UHRF1: variants seen among roughly 807,000 people sequenced by gnomAD.
UHRF1 encodes the protein ubiquitin like with PHD and ring finger domains 1.
UHRF1 carries 9 observed loss-of-function variants against 96.5 expected under a neutral mutation model. The ratio of observed to expected loss-of-function variants is 0.09; its 90% CI spans 0.06 to 0.16. UHRF1 has a LOEUF of 0.16. Among genes scored for constraint, UHRF1 ranks in the 10% least tolerant of loss-of-function variants. The pLI, the probability that UHRF1 is intolerant of heterozygous loss-of-function variation, is 1.00. For synonymous variants in UHRF1, 455 were observed against 469.9 expected, an observed-to-expected ratio of 0.97 and a Z score of 0.41; for missense variants, 626 against 1,131.1, an observed-to-expected ratio of 0.55 and a Z score of 6.40.
intron 2 of UHRF1, among the ~76,000 whole-genome samples, chr19:4,917,652 CAAAAAAAAAAAAAAAA>C (rs754990585): frequency 2.9e-5 from 1 of 34,350 alleles, no homozygotes; most frequent in African/African-American, 8.9e-5. Flanking sequence ...GACTCCGTCT[CAAAAAAAAAAAAAAAA>C]AAAAAAAAAG....
At chr19:4,950,800 G>A in intron 12 of UHRF1, 27 bp downstream of exon 12, 1 of 1,613,874 alleles carries the variant, frequency 6.2e-7, no homozygotes, top group Non-Finnish European at 8.5e-7. Flanking sequence ...GAGGCCGGGG[G>A]CTCTGTCCCC....
At chr19:4,943,538 G>A (rs111460005) in intron 7 of UHRF1, among the ~76,000 whole-genome samples, 124 of 143,280 alleles carry the variant, frequency 8.7e-4, no homozygotes, top group Non-Finnish European at 1.1e-3. Flanking sequence ...CTGAGTCCAC[G>A]GCAGTGAGAA....
At position 4,909,759 on chromosome 19, in the gene UHRF1, C is replaced by A. The variant is rs2146273195; in HGVS notation, c.-11+104C>A. 2.5e-5 allele frequency: 12 copies of A among 480,034 alleles called. No individual in the cohort carries two copies. The East Asian group carries it at 4.3e-4, about 17-fold the overall frequency. The allele number at this position is 480,034 out of a possible 1,614,324, so 29.7% of individuals were successfully genotyped here. ...CGGCCAGCCCGGGCGCACGCATGTC[C>A]CGCACTCTGTCCCGGGATCCAGGGC... is the stretch of plus-strand genomic sequence containing the variant. On this transcript the variant is annotated intron_variant, in intron 1 of 16. Coordinates refer to ENST00000650932, the MANE Select transcript of UHRF1 (RefSeq NM_001048201.3).
chr19:4,922,548 G>A (rs113583309), intron 2 of UHRF1, among the ~76,000 whole-genome samples: 3,998 of 152,294 alleles, frequency 0.026, 72 homozygotes, highest in Middle Eastern at 0.071. Flanking sequence ...GATTACAGGC[G>A]TGCACCACCG....
chr19:4,927,040 G>A (rs1422964774), intron 2 of UHRF1, among the ~76,000 whole-genome samples: 1 of 151,850 alleles, frequency 6.6e-6, no homozygotes, highest in African/African-American at 2.4e-5. Context: ...CAGCCTGGGC[G>A]ACAGAGCAAG....
chr19:4,923,538 C>T (rs1451452755), intron 2 of UHRF1, among the ~76,000 whole-genome samples: 2 of 152,194 alleles, frequency 1.3e-5, no homozygotes, highest in African/African-American at 4.8e-5. Flanking sequence ...CCTGTGTGCC[C>T]CTCTCCCGCT....
At position 4,929,957 on chromosome 19, in the gene UHRF1, C is replaced by T. The variant is rs8113567; in HGVS notation, c.408+481C>T. ...CTGATGTTATAGGCATGTGCCACCA[C>T]GCCCAGCTAATTTTATTTTATTTTA... On this transcript the variant is annotated intron_variant, in intron 3 of 16. Transcript: ENST00000650932. 4.9e-3 allele frequency among the ~76,000 whole-genome samples: 749 copies of T among 152,166 alleles called. 8 individuals carry two copies. Among genetic ancestry groups the T allele is most frequent in the African/African-American group, 0.016 (652 of 41,542 alleles).
chr19:4,932,573 C>T, intron 4 of UHRF1, 168 bp from the exon 5 acceptor site: 3 of 689,412 alleles, frequency 4.4e-6, no homozygotes, highest in Non-Finnish European at 7.3e-6. Context: ...AATTTTGTAC[C>T]TGGAATGTGC....
intron 2 of UHRF1, among the ~76,000 whole-genome samples, chr19:4,916,245 G>T (rs1159128281): frequency 6.6e-6 from 1 of 151,780 alleles, no homozygotes; most frequent in Non-Finnish European, 1.5e-5. Flanking sequence ...GGTTGAGGCT[G>T]CAGTGAACCA....
Position 4,954,484 on chromosome 19 carries a change from G to T in UHRF1, c.1953G>T (p.Ser651=). 6.2e-7 allele frequency: 1 copy of T among 1,608,732 alleles called. No individual in the cohort carries two copies. The highest frequency in any genetic ancestry group is 8.5e-7 in the Non-Finnish European group (1 of 1,176,004). The change falls in exon 14 of 17, where the codon TCG becomes TCT. Residue 651 remains serine, a synonymous_variant. Transcript: ENST00000650932. This position sits in a 1 kb window ranked among gnomAD's most constrained non-coding sequence, Gnocchi z 5.9. ...GCAAGGGCAAGTGGAAGCGGAAGTC[G>T]GCAGGTGAGAATCTCGTGGGTGTGG... is the stretch of plus-strand genomic sequence containing the variant. ...RTGKGKWKRK[S]AGGGPSRAGS...
intron 5 of UHRF1, among the ~76,000 whole-genome samples, chr19:4,935,523 G>A (rs1164859053): frequency 6.6e-6 from 1 of 151,776 alleles, no homozygotes; most frequent in Non-Finnish European, 1.5e-5. Flanking sequence ...CCACTACTTT[G>A]CGGTTGAAGG....
chr19:4,912,202 T>TGCAAGCCGC (rs1434681571), intron 2 of UHRF1, among the ~76,000 whole-genome samples: 26 of 152,286 alleles, frequency 1.7e-4, no homozygotes, highest in African/African-American at 6.3e-4. Context: ...GAGTTGACGG[T>TGCAAGCCGC]GCAAGCCGCG....
At chr19:4,945,190 A>G (rs1345334084) in intron 9 of UHRF1, among the ~76,000 whole-genome samples, 4 of 152,202 alleles carry the variant, frequency 2.6e-5, no homozygotes, top group Non-Finnish European at 4.4e-5. Flanking sequence ...AGTGAGTGGC[A>G]GGCTGCACCT....
At chr19:4,952,917 T>G (rs2033757160) in intron 13 of UHRF1, among the ~76,000 whole-genome samples, 1 of 152,076 alleles carries the variant, frequency 6.6e-6, no homozygotes, top group African/African-American at 2.4e-5. Flanking sequence ...GAAACAGTCA[T>G]GCTCATTCAC....
rs1327675976 is a variant in UHRF1 at position 4,945,082 on chromosome 19, G to T, written c.1305+632G>T. On this transcript the variant is annotated intron_variant, in intron 9 of 16. Transcript: ENST00000650932. ...TCATGGAGTTCATGGGGCCAGGCGT[G>T]CAGGGCTAGGAGCTCCTGGGGCAGC... Among the ~76,000 whole-genome samples the T allele has an allele frequency of 2.0e-5, 3 of 152,316 alleles. No homozygotes were observed. The East Asian group carries it at 5.8e-4, about 29-fold the overall frequency.
intron 5 of UHRF1, among the ~76,000 whole-genome samples, chr19:4,933,957 T>TTGTGTGTGTGTGTGTGTG (rs753933265): frequency 3.8e-4 from 37 of 97,704 alleles, no homozygotes; most frequent in African/African-American, 1.2e-3. Flanking sequence ...CCTTGCCTCT[T>TTGTGTGTGTGTGTGTGTG]TGTGTGTGTG....
At chr19:4,920,282 A>T (rs922601299) in intron 2 of UHRF1, among the ~76,000 whole-genome samples, 3 of 152,040 alleles carry the variant, frequency 2.0e-5, no homozygotes, top group Non-Finnish European at 4.4e-5. Context: ...AGATACAAAG[A>T]TTAGCTGGGT....
At chr19:4,918,715 G>GTTTTTT (rs536401524) in intron 2 of UHRF1, among the ~76,000 whole-genome samples, 2 of 115,316 alleles carry the variant, frequency 1.7e-5, no homozygotes, top group African/African-American at 3.6e-5. Flanking sequence ...TGCCCAGCTG[G>GTTTTTT]TTTTTTTTTT....
chr19:4,926,174 G>A (rs1182257707), intron 2 of UHRF1, among the ~76,000 whole-genome samples: 2 of 152,206 alleles, frequency 1.3e-5, no homozygotes, highest in Admixed American at 6.6e-5. Flanking sequence ...GATTACAGGC[G>A]TGAGCCACCG....
Sources: allele counts gnomAD v4.1 joint callset (sites outside exome capture counted in the v4.1 genomes callset), GRCh38; gene constraint gnomAD v4.1.1; non-coding constraint Gnocchi (gnomAD v3.1); transcripts MANE v1.5; gene names NCBI Gene and HGNC (gene_info 2026-07-23, HGNC 2026-07-21).